LETM2: variants seen among roughly 807,000 people sequenced by gnomAD.
LETM2 encodes leucine zipper and EF-hand containing transmembrane protein 2.
LETM2 carries 58 observed loss-of-function variants against 59.6 expected under a neutral mutation model. That is an observed-to-expected ratio of 0.97 (90% CI 0.79 to 1.21). The LOEUF is 1.21. Among genes scored for constraint, LETM2 ranks in the 50% most tolerant of loss-of-function variants. The pLI, the probability that LETM2 is intolerant of heterozygous loss-of-function variation, is 0.00. For missense variants in LETM2, 572 were observed against 575.7 expected, an observed-to-expected ratio of 0.99 and a Z score of 0.07; for synonymous variants, 199 against 214.1, an observed-to-expected ratio of 0.93 and a Z score of 0.62.
upstream of LETM2, chr8:38,382,442 G>A (rs1212993298): frequency 6.6e-6 from 1 of 152,560 alleles, no homozygotes; most frequent in African/African-American, 2.4e-5. This position sits in a 1 kb window ranked among gnomAD's most constrained non-coding sequence, Gnocchi z 4.2. Flanking sequence ...GAACGCCCGC[G>A]GCAGCTAGCG....
intron 9 of LETM2, 135 bp from the exon 10 acceptor site, chr8:38,407,225 CCA>C: frequency 1.3e-6 from 1 of 786,308 alleles, no homozygotes. Context: ...TAATTAGGTT[CCA>C]GATTTTGCCT....
At chr8:38,388,919 C>T (rs1811991782) in intron 2 of LETM2, among the ~76,000 whole-genome samples, 1 of 151,914 alleles carries the variant, frequency 6.6e-6, no homozygotes, top group Non-Finnish European at 1.5e-5. Flanking sequence ...GCATGCGCCG[C>T]CATGTCCCAC....
At chr8:38,393,844 T>C in intron 3 of LETM2, 1 of 328,248 alleles carries the variant, frequency 3.0e-6, no homozygotes, top group Non-Finnish European at 5.5e-6. Flanking sequence ...GCAGAAAACC[T>C]GTCTTGGGTT....
chr8:38,400,126 C>T, intron 4 of LETM2, 146 bp from the exon 5 acceptor site: 1 of 569,890 alleles, frequency 1.8e-6, no homozygotes. Flanking sequence ...TCTGGTCTCA[C>T]AAACCCATTC....
chr8:38,392,610 C>A lies in LETM2; in HGVS notation c.116C>A (p.Pro39Gln). ...YSPSCAFLHLPDSHLNKTCMK... is the reference protein window; with the variant it reads ...YSPSCAFLHLQDSHLNKTCMK... Reference sequence around the variant, plus strand: ...CCATCATGTGCATTTCTTCACTTGCCAGATTCCCATTTAAATAAGACATGT... The same window carrying A: ...CCATCATGTGCATTTCTTCACTTGCAAGATTCCCATTTAAATAAGACATGT... The change falls in exon 3 of 11, where the codon CCA becomes CAA. Residue 39 changes from proline to glutamine, a missense_variant. Coordinates refer to ENST00000379957, the MANE Select transcript of LETM2 (RefSeq NM_001286819.2). 6.2e-7 allele frequency: 1 copy of A among 1,613,724 alleles called. No homozygotes were observed. The highest frequency in any genetic ancestry group is 1.1e-5 in the South Asian group (1 of 91,074).
At position 38,401,061 on chromosome 8, in the gene LETM2, C is replaced by G; in HGVS notation, c.984+8C>G. ...ATAAAAGCAGATGATGAAGTAAGAGCTTAACCATAGCTCTAGGGAATTAGC... is the reference window on the plus strand; with the variant it reads ...ATAAAAGCAGATGATGAAGTAAGAGGTTAACCATAGCTCTAGGGAATTAGC... On this transcript the variant is annotated splice_region_variant and intron_variant, in intron 6 of 10. Transcript: ENST00000379957. 1 of 1,608,372 alleles carries G rather than the reference C, an allele frequency of 6.2e-7. No individual in the cohort carries two copies. Among genetic ancestry groups the G allele is most frequent in the East Asian group, 2.2e-5 (1 of 44,866 alleles).
chr8:38,390,550 A>G (rs1812146995), intron 2 of LETM2, among the ~76,000 whole-genome samples: 1 of 130,314 alleles, frequency 7.7e-6, no homozygotes, highest in African/African-American at 2.9e-5. Context: ...TGAACCCAGG[A>G]GGCGGAGGTT....
At chr8:38,404,588 A>G in intron 8 of LETM2, 82 bp downstream of exon 8, 1 of 856,646 alleles carries the variant, frequency 1.2e-6, no homozygotes, top group South Asian at 1.4e-5. Context: ...TCTTGCAGTT[A>G]GAGCAGGCAT....
chr8:38,407,419 C>G lies in LETM2; in HGVS notation c.1369C>G (p.Pro457Ala), dbSNP rs753662493. The G allele has an allele frequency of 6.2e-7, 1 of 1,613,402 alleles. No individual in the cohort carries two copies. Among genetic ancestry groups the G allele is most frequent in the East Asian group, 2.2e-5 (1 of 44,866 alleles). ...ATCATCACCCATAACACCATCAACA[C>G]CTATTTCATTACCTAAAGGACCCAT... is the stretch of plus-strand genomic sequence containing the variant. ...VTSSPITPST[P>A]ISLPKGPITS... The change falls in exon 10 of 11, where the codon CCT becomes GCT. Residue 457 changes from proline (P) to alanine (A), a missense_variant. Transcript: ENST00000379957.
At chr8:38,393,155 T>C (rs555936131) in intron 3 of LETM2, 160 bp downstream of exon 3, 6 of 626,348 alleles carry the variant, frequency 9.6e-6, no homozygotes, top group Non-Finnish European at 1.6e-5. Context: ...CGACTTACTG[T>C]ACAACTTTAG....
chr8:38,401,924 T>G (rs899443687), intron 6 of LETM2, among the ~76,000 whole-genome samples: 1 of 152,188 alleles, frequency 6.6e-6, no homozygotes, highest in Non-Finnish European at 1.5e-5. Flanking sequence ...GCATTCCACC[T>G]GGGGGAGCAG....
chr8:38,402,639 A>G lies in LETM2; in HGVS notation c.1099A>G (p.Thr367Ala). Residue 367 changes from threonine (T) to alanine (A), a missense_variant, in exon 7 of 11, where the codon ACG (threonine) becomes GCG (alanine). By Grantham distance (58) the Thr-to-Ala change is moderately conservative. Coordinates refer to ENST00000379957, the MANE Select transcript of LETM2 (RefSeq NM_001286819.2). ...LTEEQLRQQL[T>A]EWQDLHLKEN... The stretch of plus-strand genomic sequence containing the variant: ...GGAGGAACAACTGCGACAACAGCTC[A>G]CGGAGGCAAGTAGCAGCGCCCCTCT... 1 of 1,611,284 alleles carries G rather than the reference A, an allele frequency of 6.2e-7. No homozygotes were observed.
intron 4 of LETM2, among the ~76,000 whole-genome samples, chr8:38,396,324 C>T (rs1284088236): frequency 2.6e-5 from 4 of 151,868 alleles, no homozygotes; most frequent in African/African-American, 9.7e-5. Flanking sequence ...CCACTACACC[C>T]AGCTAATTTT....
chr8:38,392,915 T>C lies in LETM2; in HGVS notation c.421T>C (p.Trp141Arg), dbSNP rs375193498. 1 of 1,613,214 alleles carries C rather than the reference T, an allele frequency of 6.2e-7. No homozygotes were observed. The highest frequency in any genetic ancestry group is 8.5e-7 in the Non-Finnish European group (1 of 1,180,044). Residue 141 changes from tryptophan to arginine, a missense_variant, in exon 3 of 11, where the codon TGG becomes CGG. Physicochemically the swap from Trp to Arg is moderately radical, Grantham distance 101 (BLOSUM62 -3). Coordinates refer to ENST00000379957, the MANE Select transcript of LETM2 (RefSeq NM_001286819.2). ...TTATTACAATGGATTCTACTTACTTTGGATTGACGCCAAAGTTGCTGCCAG... is the reference window on the plus strand; with the variant it reads ...TTATTACAATGGATTCTACTTACTTCGGATTGACGCCAAAGTTGCTGCCAG... ...KYYYNGFYLL[W>R]IDAKVAARMV...
intron 2 of LETM2, among the ~76,000 whole-genome samples, chr8:38,390,307 A>T (rs558779891): frequency 1.4e-4 from 22 of 151,822 alleles, no homozygotes; most frequent in Non-Finnish European, 2.8e-4. Flanking sequence ...ACATAGCAAG[A>T]CTCTGTGTCT....
chr8:38,397,208 G>A (rs1298350058), intron 4 of LETM2: 8 of 449,480 alleles, frequency 1.8e-5, no homozygotes, highest in South Asian at 3.1e-5. Flanking sequence ...ACGGAGTCTC[G>A]CACCATCACC....
chr8:38,396,109 T>G (rs1276638964), intron 4 of LETM2, among the ~76,000 whole-genome samples: 3 of 152,072 alleles, frequency 2.0e-5, no homozygotes, highest in Non-Finnish European at 4.4e-5. Flanking sequence ...ATTCTAGAAG[T>G]TTTACAGTTT....
At chr8:38,391,202 A>C (rs866860860) in intron 2 of LETM2, among the ~76,000 whole-genome samples, 1 of 144,158 alleles carries the variant, frequency 6.9e-6, no homozygotes, top group Non-Finnish European at 1.5e-5. Context: ...AAAAAAACAA[A>C]AAAAAAAACC....
chr8:38,406,737 A>G (rs1813750478), intron 8 of LETM2: 1 of 456,644 alleles, frequency 2.2e-6, no homozygotes. Flanking sequence ...TTTTGTATAT[A>G]AAGTACTCAA....
Sources: gnomAD v4.1 joint callset for allele counts (sites outside exome capture counted in the v4.1 genomes callset) on GRCh38, gnomAD v4.1.1 for gene constraint, Gnocchi (gnomAD v3.1) non-coding constraint, MANE v1.5 for transcripts, NCBI Gene and HGNC (gene_info 2026-07-23, HGNC 2026-07-21) for gene names.